The following DMXL1 variants were observed in gnomAD, a reference collection of about 807,000 sequenced individuals.
The protein encoded by DMXL1 is Dmx like 1, also known as dmX-like protein 1.
In DMXL1, 99 loss-of-function variants were observed where a neutral mutation model predicts 319.2. That is an observed-to-expected ratio of 0.31 (90% CI 0.26 to 0.37). The LOEUF (loss-of-function observed/expected upper bound fraction) is 0.37. DMXL1 is among the 10% of genes least tolerant of loss of function. The pLI is 1.00. For synonymous variants in DMXL1, 1,385 were observed against 1,235.2 expected, an observed-to-expected ratio of 1.12 and a Z score of -2.54; for missense variants, 3,745 against 3,595.6, an observed-to-expected ratio of 1.04 and a Z score of -1.06.
intron 13 of DMXL1, among the ~76,000 whole-genome samples, chr5:119,140,299 C>A (rs556250867): frequency 6.6e-6 from 1 of 152,222 alleles, no homozygotes; most frequent in Admixed American, 6.5e-5. Flanking sequence ...AATCGAAACA[C>A]AAAATACCAT....
At chr5:119,196,620 C>T (rs1205818841) in intron 31 of DMXL1, among the ~76,000 whole-genome samples, 164 bp downstream of exon 31, 1 of 150,896 alleles carries the variant, frequency 6.6e-6, no homozygotes, top group African/African-American at 2.4e-5. Flanking sequence ...TAAATGTATC[C>T]GTCATACTGT....
chr5:119,134,336 G>A lies in DMXL1; in HGVS notation c.2323G>A (p.Ala775Thr), dbSNP rs777675076. Residue 775 changes from alanine (A) to threonine (T), a missense_variant, in exon 13 of 44, where the codon GCA (alanine) becomes ACA (threonine). Physicochemically the swap from Ala to Thr is moderately conservative, Grantham distance 58. Transcript: ENST00000539542. ...TGGACAATATCTGAGATTATATGAA[G>A]CAGTTATTGATGCTAAGAAACTTTT... ...SDGQYLRLYE[A>T]VIDAKKLLSE... The A allele has an allele frequency of 2.5e-6, 4 of 1,613,700 alleles. No individual in the cohort carries two copies. The highest frequency in any genetic ancestry group is 3.4e-6 in the Non-Finnish European group (4 of 1,179,786).
At chr5:119,202,871 ATATATATATATTTT>A (rs1217156687) in intron 32 of DMXL1, among the ~76,000 whole-genome samples, 1 of 111,432 alleles carries the variant, frequency 9.0e-6, no homozygotes, top group Non-Finnish European at 1.9e-5. Context: ...ATACATATAT[ATATATATATATTTT>A]TATATATATA....
chr5:119,220,562 G>A lies in DMXL1; in HGVS notation c.8104G>A (p.Val2702Ile). Reference protein sequence around the residue: ...GILATQVYTWVDDDIEVETKG... With the variant: ...GILATQVYTWIDDDIEVETKG... ...TCTGGCCACACAGGTCTACACTTGGGTAGATGATGATATAGAAGTGGAAAC... is the reference window on the plus strand; with the variant it reads ...TCTGGCCACACAGGTCTACACTTGGATAGATGATGATATAGAAGTGGAAAC... The change falls in exon 36 of 44, where the codon GTA (valine) becomes ATA (isoleucine). Residue 2702 changes from valine (V) to isoleucine (I), a missense_variant. Physicochemically the swap from Val to Ile is conservative, Grantham distance 29. Around this residue, in one of 4 missense-constraint regions of DMXL1, gnomAD observed 1,382 missense variants for 1,269.5 expected, o/e 1.09. Coordinates refer to ENST00000539542, the MANE Select transcript of DMXL1 (RefSeq NM_001290321.3). The A allele has an allele frequency of 6.2e-7, 1 of 1,613,870 alleles. No individual in the cohort carries two copies.
rs1789924068 is a variant in DMXL1, at chr5:119,247,018, T to G, written c.8946T>G (p.Gly2982=). The change falls in exon 44 of 44, where the codon GGT becomes GGG. Residue 2982 remains glycine, a synonymous_variant. Transcript: ENST00000539542. ...NIKIWSLSTF[G]LLHTFVSEHA... ...AGATTTGGAGTCTCTCTACCTTTGG[T>G]CTTCTCCATACTTTTGTCAGTGAAC... is the stretch of plus-strand genomic sequence containing the variant. 2 of 1,612,648 alleles carry G rather than the reference T, an allele frequency of 1.2e-6. No individual in the cohort carries two copies. Among genetic ancestry groups the G allele is most frequent in the Non-Finnish European group, 1.7e-6 (2 of 1,179,024 alleles).
chr5:119,197,740 A>T lies in DMXL1; in HGVS notation c.7544-15A>T. The stretch of plus-strand genomic sequence containing the variant: ...TACTGCATAAGATTAATATGAGTCA[A>T]TGTTCCCATTTTAGAGCTTCCAGTT... On this transcript the variant is annotated splice_polypyrimidine_tract_variant and intron_variant, in intron 31 of 43. Coordinates refer to ENST00000539542, the MANE Select transcript of DMXL1 (RefSeq NM_001290321.3). 1.9e-6 allele frequency: 3 copies of T among 1,612,898 alleles called. No individual in the cohort carries two copies. Among genetic ancestry groups the T allele is most frequent in the Non-Finnish European group, 2.5e-6 (3 of 1,179,048 alleles).
intron 1 of DMXL1, among the ~76,000 whole-genome samples, chr5:119,087,416 T>C (rs543365330): frequency 2.6e-5 from 4 of 152,330 alleles, no homozygotes; most frequent in African/African-American, 7.2e-5. Context: ...ATTTCCTTCT[T>C]AATTTTGTTA....
intron 29 of DMXL1, among the ~76,000 whole-genome samples, chr5:119,191,665 G>C (rs1778719316): frequency 6.6e-6 from 1 of 152,084 alleles, no homozygotes; most frequent in South Asian, 2.1e-4. Context: ...CAAAGTAGTT[G>C]AGATGTTACC....
At chr5:119,212,277 T>C (rs1395763879) in intron 34 of DMXL1, among the ~76,000 whole-genome samples, 2 of 152,186 alleles carry the variant, frequency 1.3e-5, no homozygotes, top group Non-Finnish European at 2.9e-5. Context: ...TTACTATCCC[T>C]AGGTACCTCA....
At chr5:119,145,279 T>C (rs185784677) in intron 15 of DMXL1, among the ~76,000 whole-genome samples, 4 of 151,900 alleles carry the variant, frequency 2.6e-5, no homozygotes, top group Admixed American at 2.0e-4. Context: ...TGTTCAGACT[T>C]TTTTCTTCTC....
At chr5:119,077,320 G>A in intron 1 of DMXL1, among the ~76,000 whole-genome samples, 1 of 152,128 alleles carries the variant, frequency 6.6e-6, no homozygotes, top group Non-Finnish European at 1.5e-5. Context: ...CAGTTTATTT[G>A]ATAAGCCAGT....
chr5:119,108,287 T>C (rs1758796064), intron 4 of DMXL1, among the ~76,000 whole-genome samples: 1 of 152,212 alleles, frequency 6.6e-6, no homozygotes, highest in South Asian at 2.1e-4. Context: ...TTGTCAGCTT[T>C]TTTGCCAAAA....
At chr5:119,222,552 A>G (rs961193291) in intron 37 of DMXL1, among the ~76,000 whole-genome samples, 2 of 152,194 alleles carry the variant, frequency 1.3e-5, no homozygotes, top group Admixed American at 6.5e-5. Context: ...TTGAATTCCA[A>G]CCTCAGAGAT....
chr5:119,175,230 T>C, intron 25 of DMXL1, 31 bp from the exon 26 acceptor site: 1 of 1,558,956 alleles, frequency 6.4e-7, no homozygotes, highest in Non-Finnish European at 8.8e-7. Context: ...AAAAAGGTTA[T>C]ACTTAAAGTA....
rs115355950 is a variant in DMXL1, at chr5:119,114,370, C to T, written c.498-105C>T. On this transcript the variant is annotated intron_variant, in intron 5 of 43. Coordinates refer to ENST00000539542, the MANE Select transcript of DMXL1 (RefSeq NM_001290321.3). ...AAAGATGTGGGTGTGAAACTTATAACATTTTCTGTCTTTTGAACCAATTGC... is the reference window on the plus strand; with the variant it reads ...AAAGATGTGGGTGTGAAACTTATAATATTTTCTGTCTTTTGAACCAATTGC... 9.2e-4 allele frequency: 722 copies of T among 785,846 alleles called. 6 individuals are homozygous for T. In the African/African-American group the frequency reaches 0.012, roughly 13 times the overall value. The allele number at this position is 785,846 out of a possible 1,614,324, so 48.7% of individuals were successfully genotyped here.
chr5:119,140,628 C>G (rs567852988), intron 13 of DMXL1, among the ~76,000 whole-genome samples: 1 of 152,062 alleles, frequency 6.6e-6, no homozygotes, highest in African/African-American at 2.4e-5. Context: ...AGCCTACCAA[C>G]CGAAAAACCC....
intron 43 of DMXL1, 110 bp from the exon 44 acceptor site, chr5:119,246,885 G>T: frequency 1.4e-6 from 1 of 727,496 alleles, no homozygotes; most frequent in Non-Finnish European, 2.2e-6. Flanking sequence ...TGCCTGCCTT[G>T]ACCTCCCAAA....
chr5:119,084,958 A>T (rs943401537), intron 1 of DMXL1, among the ~76,000 whole-genome samples: 10 of 151,658 alleles, frequency 6.6e-5, no homozygotes, highest in Non-Finnish European at 1.3e-4. Context: ...ATATCTTTCC[A>T]TTTTTTGTGT....
At chr5:119,094,640 T>A (rs1580663293) in intron 1 of DMXL1, among the ~76,000 whole-genome samples, 1 of 152,334 alleles carries the variant, frequency 6.6e-6, no homozygotes, top group East Asian at 1.9e-4. Flanking sequence ...CTATAGATAA[T>A]GATTCCTCTG....
Sources: gnomAD v4.1 joint callset for allele counts (sites outside exome capture counted in the v4.1 genomes callset) on GRCh38, gnomAD v4.1.1 for gene constraint, gnomAD v4.1.1 regional missense constraint, MANE v1.5 for transcripts, NCBI Gene and HGNC (gene_info 2026-07-23, HGNC 2026-07-21) for gene names.